GAA: variants seen among roughly 807,000 people sequenced by gnomAD.
GAA encodes alpha glucosidase, also known as lysosomal alpha-glucosidase.
A neutral mutation model predicts 103.9 loss-of-function variants in GAA; 88 were observed. That is an observed-to-expected ratio of 0.85 (90% CI 0.71 to 1.01). The LOEUF is 1.01. Among genes scored for constraint, GAA ranks in the 50% least tolerant of loss-of-function variants. GAA has a pLI of 0.00. For synonymous variants in GAA, 572 were observed against 563.1 expected (o/e 1.02, Z -0.22); for missense variants, 1,350 against 1,305.3 (o/e 1.03, Z -0.53).
chr17:80,115,222 G>A (rs1476046026), intron 15 of GAA, among the ~76,000 whole-genome samples: 3 of 152,010 alleles, frequency 2.0e-5, no homozygotes, highest in Non-Finnish European at 2.9e-5. Flanking sequence ...TATGCTTGAC[G>A]GTGCCCAGGG....
chr17:80,110,014 G>A lies in GAA; in HGVS notation c.1396G>A (p.Val466Ile), dbSNP rs375006053. 9 of 1,613,216 alleles carry A rather than the reference G, an allele frequency of 5.6e-6. No homozygotes were observed. Among genetic ancestry groups the A allele is most frequent in the Non-Finnish European group, 6.8e-6 (8 of 1,179,962 alleles). ...CTACGACGAGGGTCTGCGGAGGGGG[G>A]TTTTCATCACCAACGAGACCGGCCA... ...RPYDEGLRRG[V>I]FITNETGQPL... is the part of the protein sequence containing the mutation. The change falls in exon 9 of 20, where the codon GTT (valine) becomes ATT (isoleucine). Residue 466 changes from valine to isoleucine, a missense_variant. Val to Ile is a conservative substitution (Grantham distance 29). Transcript: ENST00000302262.
chr17:80,118,486 G>A, intron 18 of GAA, 129 bp downstream of exon 18: 4 of 1,420,670 alleles, frequency 2.8e-6, no homozygotes, highest in South Asian at 2.4e-5. Flanking sequence ...GTGGCCTGGG[G>A]TCCTAGAGTG....
At chr17:80,112,459 C>T (rs966127764) in intron 12 of GAA, 119 bp from the exon 13 acceptor site, 8 of 1,307,718 alleles carry the variant, frequency 6.1e-6, no homozygotes, top group Non-Finnish European at 8.6e-6. Context: ...TCGCCGTCCT[C>T]CTCCCCAGCC....
rs1315295351 is a variant in GAA, at chr17:80,104,555, G to T, written c.-32G>T. 3.1e-6 allele frequency: 5 copies of T among 1,589,428 alleles called. No individual in the cohort carries two copies. In the East Asian group the frequency reaches 9.0e-5, roughly 29 times the overall value. ...CTGAGCCCGCTTTCTTCTCCCGCAG[G>T]CCTGTAGGAGCTGTCCAGGCCATCT... On this transcript the variant is annotated splice_region_variant and 5_prime_UTR_variant, in exon 2 of 20. Coordinates refer to ENST00000302262, the MANE Select transcript of GAA (RefSeq NM_000152.5). This position sits in a 1 kb window ranked among gnomAD's most constrained non-coding sequence, Gnocchi z 4.0.
chr17:80,112,536 C>A, intron 12 of GAA, 42 bp from the exon 13 acceptor site: 2 of 1,611,770 alleles, frequency 1.2e-6, no homozygotes, highest in Non-Finnish European at 1.7e-6. Context: ...TCCCGAGTGA[C>A]CCCGCTCCAC....
chr17:80,111,050 G>T, intron 11 of GAA, 25 bp downstream of exon 11: 1 of 1,608,672 alleles, frequency 6.2e-7, no homozygotes, highest in Non-Finnish European at 8.5e-7. Flanking sequence ...CACCTACCCT[G>T]GGGACTTAAT....
intron 12 of GAA, 182 bp from the exon 13 acceptor site, chr17:80,112,396 G>A: frequency 1.3e-6 from 1 of 753,120 alleles, no homozygotes; most frequent in Admixed American, 2.3e-5. Context: ...TCACCTACAG[G>A]CATCAGGTGG....
In GAA at chr17:80,107,727, A is replaced by AGCGG; in HGVS notation, c.858+6_858+9dup. On this transcript the variant is annotated splice_donor_region_variant and intron_variant, in intron 4 of 19. Coordinates refer to ENST00000302262, the MANE Select transcript of GAA (RefSeq NM_000152.5). The stretch of plus-strand genomic sequence containing the variant: ...AACCGGGACCTTGCGCCCACGGTAC[A>AGCGG]GCGGCGGGCGGCGGGCGGGGGCACT... 5.6e-6 allele frequency: 9 copies of AGCGG among 1,610,802 alleles called. No homozygotes were observed. The highest frequency in any genetic ancestry group is 6.8e-6 in the Non-Finnish European group (8 of 1,178,744).
rs781124934 is a variant in GAA, at chr17:80,105,047, G to T, written c.461G>T (p.Arg154Leu). ...ATGGGCTACACGGCCACCCTGACCC[G>T]TACCACCCCCACCTTCTTCCCCAAG... ...SEMGYTATLT[R>L]TTPTFFPKDI... Residue 154 changes from arginine (R) to leucine (L), a missense_variant, in exon 2 of 20, where the codon CGT becomes CTT. Coordinates refer to ENST00000302262, the MANE Select transcript of GAA (RefSeq NM_000152.5). 1 of 1,612,876 alleles carries T rather than the reference G, an allele frequency of 6.2e-7. No homozygotes were observed. The highest frequency in any genetic ancestry group is 8.5e-7 in the Non-Finnish European group (1 of 1,180,022).
rs11150841 is a variant in GAA, at chr17:80,102,994, A to G, written c.-33+1104A>G. 0.75 allele frequency among the ~76,000 whole-genome samples: 113,400 copies of G among 152,160 alleles called. 42,586 individuals are homozygous for G. Among genetic ancestry groups the G allele is most frequent in the Middle Eastern group, 0.86 (254 of 294 alleles). ...GGTGTGAGAAAAACCCTACACATTTAATGTCAGAAGTGTGGGTAAAATGTT... is the reference window on the plus strand; with the variant it reads ...GGTGTGAGAAAAACCCTACACATTTGATGTCAGAAGTGTGGGTAAAATGTT... On this transcript the variant is annotated intron_variant, in intron 1 of 19. Coordinates refer to ENST00000302262, the MANE Select transcript of GAA (RefSeq NM_000152.5).
chr17:80,114,500 A>G (rs780411522), intron 15 of GAA, among the ~76,000 whole-genome samples: 6 of 151,720 alleles, frequency 4.0e-5, no homozygotes, highest in Admixed American at 6.6e-5. Flanking sequence ...ACTGATGCCA[A>G]CTTGCTTTCA....
chr17:80,117,088 CA>C lies in GAA; in HGVS notation c.2311del (p.Thr771HisfsTer10), dbSNP rs1209540160. On this transcript the variant is annotated frameshift_variant, in exon 16 of 20. Coordinates refer to ENST00000302262, the MANE Select transcript of GAA (RefSeq NM_000152.5). LOFTEE classifies it high-confidence loss of function. ...AAGTGACTGGCTACTTCCCCTTGGG[CA>C]CATGGTACGACCTGCAGACGGTGAG... ...AEVTGYFPLG[T>X]WYDLQTVPVE... 6.2e-7 allele frequency: 1 copy of C among 1,613,112 alleles called. No individual in the cohort carries two copies. The highest frequency in any genetic ancestry group is 1.7e-5 in the Admixed American group (1 of 60,022).
chr17:80,118,011 A>G (rs2039397163), intron 17 of GAA, among the ~76,000 whole-genome samples, 182 bp from the exon 18 acceptor site: 1 of 152,100 alleles, frequency 6.6e-6, no homozygotes, highest in African/African-American at 2.4e-5. Context: ...GTGGGATAGC[A>G]CTTGAGGTGG....
At chr17:80,113,176 C>A (rs925456938) in intron 14 of GAA, 42 bp from the exon 15 acceptor site, 2 of 1,562,686 alleles carry the variant, frequency 1.3e-6, no homozygotes, top group African/African-American at 2.7e-5. Flanking sequence ...GGACCGCGGC[C>A]CCAGCACCCA....
chr17:80,117,672 G>A lies in GAA; in HGVS notation c.2404G>A (p.Gly802Arg), dbSNP rs148412962. 2.0e-5 allele frequency: 32 copies of A among 1,612,584 alleles called. No individual in the cohort carries two copies. The highest frequency in any genetic ancestry group is 2.7e-5 in the African/African-American group (2 of 74,910). Residue 802 changes from glycine (G) to arginine (R), a missense_variant, in exon 17 of 20, where the codon GGG becomes AGG. By Grantham distance (125) the Gly-to-Arg change is moderately radical. Coordinates refer to ENST00000302262, the MANE Select transcript of GAA (RefSeq NM_000152.5). ...APREPAIHSE[G>R]QWVTLPAPLD... is the part of the protein sequence containing the mutation. ...CCGTGAGCCAGCCATCCACAGCGAG[G>A]GGCAGTGGGTGACGCTGCCGGCCCC...
In GAA at chr17:80,108,517, C is replaced by A. The variant is rs1413187995; in HGVS notation, c.1104C>A (p.Gly368=). The A allele has an allele frequency of 6.2e-7, 1 of 1,613,140 alleles. No homozygotes were observed. Among genetic ancestry groups the A allele is most frequent in the Admixed American group, 1.7e-5 (1 of 60,010 alleles). ...ACCCGTTCATGCCGCCATACTGGGG[C>A]CTGGGCTTCCACCTGTGCCGCTGGG... The part of the protein sequence containing the change: ...VGYPFMPPYW[G]LGFHLCRWGY... Residue 368 remains glycine, a synonymous_variant, in exon 7 of 20, where the codon GGC becomes GGA. Transcript: ENST00000302262.
chr17:80,105,012 C>A lies in GAA; in HGVS notation c.426C>A (p.Ser142Arg), dbSNP rs762255493. The A allele has an allele frequency of 2.5e-6, 4 of 1,612,848 alleles. No individual in the cohort carries two copies. In the African/African-American group the frequency reaches 5.3e-5, roughly 22 times the overall value. Residue 142 changes from serine (S) to arginine (R), a missense_variant, in exon 2 of 20, where the codon AGC becomes AGA. Transcript: ENST00000302262. Reference sequence around the variant, plus strand: ...CCAGCTACAAGCTGGAGAACCTGAGCTCCTCTGAAATGGGCTACACGGCCA... The same window carrying A: ...CCAGCTACAAGCTGGAGAACCTGAGATCCTCTGAAATGGGCTACACGGCCA... ...SYPSYKLENL[S>R]SSEMGYTATL...
Position 80,104,710 on chromosome 17 carries a change from C to T in GAA, c.124C>T (p.Leu42=). The change falls in exon 2 of 20, where the codon CTG becomes TTG. Residue 42 remains leucine, a synonymous_variant. Transcript: ENST00000302262. The surrounding 1 kb of genome is among the most constrained non-coding windows in gnomAD (Gnocchi z 4.0). The part of the protein sequence containing the change: ...LHDFLLVPRE[L]SGSSPVLEET... ...TGATTTCCTGCTGGTTCCCCGAGAG[C>T]TGAGTGGCTCCTCCCCAGTCCTGGA... 6.2e-7 allele frequency: 1 copy of T among 1,612,972 alleles called. No individual in the cohort carries two copies. The highest frequency in any genetic ancestry group is 1.7e-5 in the Admixed American group (1 of 59,974).
In GAA at chr17:80,118,271, C is replaced by T. The variant is rs121907943; in HGVS notation, c.2560C>T (p.Arg854Ter). Residue 854 changes from arginine to a stop codon, truncating the protein, a stop_gained, in exon 18 of 20, where the codon CGA becomes TGA. Transcript: ENST00000302262. LOFTEE classifies it high-confidence loss of function. ...AVALTKGGEA[R>*]GELFWDDGES... ...GGCCCTGACCAAGGGTGGGGAGGCC[C>T]GAGGGGAGCTGTTCTGGGACGATGG... The T allele has an allele frequency of 1.1e-4, 178 of 1,608,420 alleles. No individual in the cohort carries two copies. The African/African-American group carries it at 2.0e-3, about 18-fold the overall frequency.
Sources: gnomAD v4.1 joint callset for allele counts (sites outside exome capture counted in the v4.1 genomes callset) on GRCh38, gnomAD v4.1.1 for gene constraint, Gnocchi (gnomAD v3.1) non-coding constraint, MANE v1.5 for transcripts, NCBI Gene and HGNC (gene_info 2026-07-23, HGNC 2026-07-21) for gene names.